CHCHD3: variants seen among roughly 807,000 people sequenced by gnomAD.
The protein encoded by CHCHD3 is coiled-coil-helix-coiled-coil-helix domain containing 3.
Under a neutral mutation model 38.2 loss-of-function variants are expected in CHCHD3, and 20 were observed. That is an observed-to-expected ratio of 0.52 (90% CI 0.37 to 0.76). The LOEUF (loss-of-function observed/expected upper bound fraction) is 0.76, where lower values mean the gene tolerates loss of function less well. CHCHD3 is among the 30% of genes least tolerant of loss of function. CHCHD3 has a pLI of 0.00. For synonymous variants in CHCHD3, 82 were observed against 100.0 expected, an observed-to-expected ratio of 0.82 and a Z score of 1.07; for missense variants, 245 against 279.2, an observed-to-expected ratio of 0.88 and a Z score of 0.87.
At chr7:132,974,124 G>T in intron 4 of CHCHD3, 2 of 886,406 alleles carry the variant, frequency 2.3e-6, no homozygotes, top group Non-Finnish European at 3.0e-6. Flanking sequence ...AAAATGTTCA[G>T]TGACATAGGA....
At chr7:132,928,144 G>A (rs1810418958) in intron 4 of CHCHD3, among the ~76,000 whole-genome samples, 1 of 152,134 alleles carries the variant, frequency 6.6e-6, no homozygotes, top group African/African-American at 2.4e-5. Flanking sequence ...GAATGAGGAA[G>A]GGGACAGGCC....
chr7:132,878,084 T>C (rs1348689912), intron 5 of CHCHD3, among the ~76,000 whole-genome samples: 2 of 152,216 alleles, frequency 1.3e-5, no homozygotes, highest in Admixed American at 1.3e-4. Flanking sequence ...CGACTGTTTA[T>C]ATTTTAGTAT....
intron 6 of CHCHD3, among the ~76,000 whole-genome samples, chr7:132,799,454 C>T (rs1316409468): frequency 6.6e-6 from 1 of 152,004 alleles, no homozygotes; most frequent in Non-Finnish European, 1.5e-5. Context: ...TGGAAAAAGC[C>T]CCTATTAGGC....
chr7:133,010,822 G>T (rs112543819), intron 3 of CHCHD3, among the ~76,000 whole-genome samples: 1 of 151,972 alleles, frequency 6.6e-6, no homozygotes, highest in Non-Finnish European at 1.5e-5. Context: ...CAGGTGATCC[G>T]CCCGCCTCGG....
At chr7:132,835,274 G>T (rs1055093925) in intron 6 of CHCHD3, among the ~76,000 whole-genome samples, 1 of 151,858 alleles carries the variant, frequency 6.6e-6, no homozygotes, top group Non-Finnish European at 1.5e-5. Flanking sequence ...GAGCCACCTC[G>T]CCTGGCTGAG....
rs1273460955 is a variant in CHCHD3, at chr7:132,815,605, T to C, written c.525-19028A>G. The C allele has an allele frequency of 1.5e-5, 7 of 456,100 alleles. No individual in the cohort carries two copies. In the East Asian group the frequency reaches 4.9e-4, roughly 32 times the overall value. 28.3% of individuals were successfully genotyped at this position (456,100 alleles called of 1,614,324 possible). On this transcript the variant is annotated intron_variant, in intron 6 of 7. Transcript: ENST00000262570. ...AGGTAACAAAATAAAGAGTCCTGTTTTGTGATATTTCATTTCACCAAACCT... is the reference window on the plus strand; with the variant it reads ...AGGTAACAAAATAAAGAGTCCTGTTCTGTGATATTTCATTTCACCAAACCT...
intron 2 of CHCHD3, among the ~76,000 whole-genome samples, chr7:133,050,482 C>G (rs891199877): frequency 2.0e-5 from 3 of 149,656 alleles, no homozygotes; most frequent in Non-Finnish European, 2.9e-5. Context: ...CACAGGGTGA[C>G]AGTATAGGAA....
intron 6 of CHCHD3, among the ~76,000 whole-genome samples, chr7:132,827,904 A>G (rs1015119898): frequency 1.3e-5 from 2 of 152,180 alleles, no homozygotes; most frequent in Non-Finnish European, 2.9e-5. Context: ...TATAAAGTAG[A>G]AAACTGCGCT....
chr7:132,932,323 GA>G (rs1238441351), intron 4 of CHCHD3, among the ~76,000 whole-genome samples: 1 of 152,194 alleles, frequency 6.6e-6, no homozygotes, highest in Non-Finnish European at 1.5e-5. Context: ...AGAGAGAGGT[GA>G]AAAGAGCCTC....
At chr7:132,934,780 A>C (rs1187192039) in intron 4 of CHCHD3, among the ~76,000 whole-genome samples, 2 of 152,236 alleles carry the variant, frequency 1.3e-5, no homozygotes. Flanking sequence ...ATGGGGCAAT[A>C]ACCTTAGTCT....
chr7:132,785,560 G>A lies in CHCHD3; in HGVS notation c.*77C>T. 7.0e-7 allele frequency: 1 copy of A among 1,423,916 alleles called. No individual in the cohort carries two copies. Among genetic ancestry groups the A allele is most frequent in the Non-Finnish European group, 9.9e-7 (1 of 1,009,064 alleles). 88.2% of individuals were successfully genotyped at this position (1,423,916 alleles called of 1,614,324 possible). On this transcript the variant is annotated 3_prime_UTR_variant, in exon 8 of 8. Transcript: ENST00000262570. Reference sequence around the variant, plus strand: ...CATTAGTGGTCTTCTCTTCAAATGGGTTGTTTTCTCACTAGGAAAAAAAAT... The same window carrying A: ...CATTAGTGGTCTTCTCTTCAAATGGATTGTTTTCTCACTAGGAAAAAAAAT...
At position 132,870,351 on chromosome 7, in the gene CHCHD3, C is replaced by CAA. The variant is rs58488494; in HGVS notation, c.453+15309_453+15310dup. ...GGTGACACTGCGAGACCTATCTCAC[C>CAA]AAAAAAAAAAAAAAAAAAAGATAAA... On this transcript the variant is annotated intron_variant, in intron 5 of 7. Coordinates refer to ENST00000262570, the MANE Select transcript of CHCHD3 (RefSeq NM_017812.4). Among the ~76,000 whole-genome samples, 574 of 99,356 alleles carry CAA rather than the reference C, an allele frequency of 5.8e-3. 6 individuals carry two copies. Among genetic ancestry groups the CAA allele is most frequent in the African/African-American group, 0.021 (540 of 25,776 alleles). The allele number at this position is 99,356 out of a possible 152,430, so 65.2% of individuals were successfully genotyped here.
chr7:133,045,198 T>C (rs772828803), intron 2 of CHCHD3, among the ~76,000 whole-genome samples: 2 of 151,734 alleles, frequency 1.3e-5, no homozygotes, highest in African/African-American at 2.4e-5. Context: ...AAAGAAAGAG[T>C]AGAACTAGAT....
intron 5 of CHCHD3, among the ~76,000 whole-genome samples, chr7:132,842,710 T>A (rs990881128): frequency 6.6e-6 from 1 of 152,178 alleles, no homozygotes; most frequent in Non-Finnish European, 1.5e-5. Context: ...CGTTTTCTCA[T>A]GGTTAAGAGT....
intron 4 of CHCHD3, among the ~76,000 whole-genome samples, chr7:132,888,482 T>G (rs999218493): frequency 1.3e-4 from 20 of 151,902 alleles, no homozygotes; most frequent in African/African-American, 4.8e-4. Context: ...TACTAAAATT[T>G]ATAATAATAA....
chr7:132,898,381 G>C (rs908584695), intron 4 of CHCHD3, among the ~76,000 whole-genome samples: 11 of 152,234 alleles, frequency 7.2e-5, no homozygotes, highest in Admixed American at 1.3e-4. Context: ...GATTCTCCAC[G>C]TCCCCATCAG....
At chr7:132,959,115 A>G (rs1044143789) in intron 4 of CHCHD3, among the ~76,000 whole-genome samples, 1 of 152,248 alleles carries the variant, frequency 6.6e-6, no homozygotes, top group Non-Finnish European at 1.5e-5. Flanking sequence ...AAATGAGTGA[A>G]AAGTCTATTT....
intron 2 of CHCHD3, among the ~76,000 whole-genome samples, chr7:133,059,950 T>C (rs144447606): frequency 5.4e-4 from 83 of 152,316 alleles, no homozygotes; most frequent in African/African-American, 1.9e-3. Context: ...GAACATACAC[T>C]TCTTTCAAAG....
intron 6 of CHCHD3, among the ~76,000 whole-genome samples, chr7:132,807,645 A>ATATATATATAT (rs1806965103): frequency 2.3e-5 from 3 of 129,290 alleles, no homozygotes; most frequent in Non-Finnish European, 4.9e-5. Context: ...ATATATATAT[A>ATATATATATAT]CTTGACATAA....
Sources: gnomAD v4.1 joint callset for allele counts (sites outside exome capture counted in the v4.1 genomes callset) on GRCh38, gnomAD v4.1.1 for gene constraint, MANE v1.5 for transcripts, NCBI Gene and HGNC (gene_info 2026-07-23, HGNC 2026-07-21) for gene names.